The following GNL3L variants were observed in gnomAD, a reference collection of about 807,000 sequenced individuals.
The protein encoded by GNL3L is G protein nucleolar 3 like.
In GNL3L, 4 loss-of-function variants were observed where a neutral mutation model predicts 42.9. The ratio of observed to expected loss-of-function variants is 0.09; its 90% CI spans 0.05 to 0.21. GNL3L has a LOEUF of 0.21. Among genes scored for constraint, GNL3L ranks in the 10% least tolerant of loss-of-function variants. The pLI, the probability that GNL3L is intolerant of heterozygous loss-of-function variation, is 1.00. For synonymous variants in GNL3L, 159 were observed against 176.3 expected, an observed-to-expected ratio of 0.90 and a Z score of 0.78; for missense variants, 412 against 481.7, an observed-to-expected ratio of 0.86 and a Z score of 1.36.
intron 16 of GNL3L, among the ~76,000 whole-genome samples, chrX:54,585,231 T>C (rs1403030191): frequency 8.9e-6 from 1 of 112,477 alleles, no homozygotes; most frequent in Admixed American, 9.4e-5. Flanking sequence ...TTTCTTCTCT[T>C]GTAGTGTCCT....
chrX:54,543,168 C>T, intron 6 of GNL3L, 39 bp from the exon 7 acceptor site: 2 of 1,198,102 alleles, frequency 1.7e-6, no homozygotes, highest in Non-Finnish European at 1.1e-6. Context: ...GCTACCCTAT[C>T]CTTTTCCTGC....
At chrX:54,531,464 C>T (rs1327751118) in intron 1 of GNL3L, among the ~76,000 whole-genome samples, 2 of 110,923 alleles carry the variant, frequency 1.8e-5, no homozygotes, top group Non-Finnish European at 3.8e-5. Flanking sequence ...GACGCCCCCA[C>T]CCCCAAGTAT....
the GNL3L span, among the ~76,000 whole-genome samples, chrX:54,638,556 C>T: frequency 2.7e-3 from 305 of 111,466 alleles, 3 homozygotes; most frequent in Non-Finnish European, 5.2e-3. Context: ...CTGCAACCTC[C>T]GCCTCCCGGG....
At chrX:54,618,084 C>T (rs1350205129) in intron 16 of GNL3L, among the ~76,000 whole-genome samples, 1 of 111,057 alleles carries the variant, frequency 9.0e-6, no homozygotes, top group Non-Finnish European at 1.9e-5. Flanking sequence ...CTGGCTTTCC[C>T]ATGCTGGAGA....
the GNL3L span, among the ~76,000 whole-genome samples, chrX:54,627,459 T>C: frequency 9.0e-6 from 1 of 111,718 alleles, no homozygotes; most frequent in Non-Finnish European, 1.9e-5. Context: ...AAAAACCAAC[T>C]TTTTATTTTG....
the GNL3L span, among the ~76,000 whole-genome samples, chrX:54,642,217 C>T: frequency 8.9e-6 from 1 of 111,926 alleles, no homozygotes; most frequent in Non-Finnish European, 1.9e-5. Flanking sequence ...GAAACTGAGG[C>T]TTAGTGAGAT....
chrX:54,585,031 GC>G (rs1324350873), intron 16 of GNL3L, among the ~76,000 whole-genome samples: 2 of 112,168 alleles, frequency 1.8e-5, no homozygotes, highest in Admixed American at 1.9e-4. Context: ...TGATCCACCT[GC>G]CTCGGCCTCC....
intron 8 of GNL3L, 114 bp downstream of exon 8, chrX:54,544,440 C>A: frequency 5.0e-6 from 2 of 401,294 alleles, no homozygotes; most frequent in Non-Finnish European, 8.9e-6. Flanking sequence ...ACTGGGCCTT[C>A]AACTTTGAGC....
chrX:54,578,694 A>T (rs1402370512), intron 16 of GNL3L, among the ~76,000 whole-genome samples: 1 of 112,458 alleles, frequency 8.9e-6, no homozygotes, highest in Non-Finnish European at 1.9e-5. Flanking sequence ...AGTGCTTTCC[A>T]GTTCTTAGCA....
At chrX:54,609,759 G>A (rs916914881) in intron 16 of GNL3L, among the ~76,000 whole-genome samples, 4 of 112,094 alleles carry the variant, frequency 3.6e-5, no homozygotes, top group African/African-American at 1.3e-4. Flanking sequence ...TGGCCTTATA[G>A]TATAGTTTAA....
chrX:54,578,809 A>G (rs755503638), intron 16 of GNL3L, among the ~76,000 whole-genome samples: 5 of 112,280 alleles, frequency 4.5e-5, no homozygotes, highest in African/African-American at 1.3e-4. Context: ...TGGGTAGTGT[A>G]TATTCTATGT....
intron 16 of GNL3L, among the ~76,000 whole-genome samples, chrX:54,597,949 A>C (rs1383782709): frequency 2.7e-5 from 3 of 111,089 alleles, no homozygotes; most frequent in Non-Finnish European, 3.8e-5. Context: ...TTGGTGCTTC[A>C]GGACTGTTTT....
At chrX:54,567,552 A>G (rs999450781), downstream of GNL3L, among the ~76,000 whole-genome samples, 1 of 108,968 alleles carries the variant, frequency 9.2e-6, no homozygotes, top group African/African-American at 3.4e-5. Context: ...AGGCTGAGGC[A>G]GGAGAATCTC....
chrX:54,579,028 G>A (rs1386545321), intron 16 of GNL3L, among the ~76,000 whole-genome samples: 2 of 111,805 alleles, frequency 1.8e-5, no homozygotes, highest in Non-Finnish European at 3.8e-5. Context: ...TGTAAACAAG[G>A]ATTTGTTTAA....
intron 16 of GNL3L, among the ~76,000 whole-genome samples, chrX:54,587,761 A>G (rs1457597175): frequency 9.2e-6 from 1 of 109,084 alleles, no homozygotes; most frequent in East Asian, 2.9e-4. Context: ...GCTCACTGCA[A>G]CCTCTGCCTC....
chrX:54,644,230 T>C, the GNL3L span, among the ~76,000 whole-genome samples: 1 of 112,099 alleles, frequency 8.9e-6, no homozygotes, highest in African/African-American at 3.2e-5. Flanking sequence ...CCATTCCCAC[T>C]AACAGTGTAC....
intron 14 of GNL3L, among the ~76,000 whole-genome samples, 159 bp from the exon 15 acceptor site, chrX:54,558,277 C>T (rs1190137626): frequency 1.8e-5 from 2 of 111,135 alleles, no homozygotes; most frequent in African/African-American, 6.6e-5. Context: ...GTTAACTAAG[C>T]ACCTGCTGGA....
chrX:54,553,734 T>A (rs184183437), intron 13 of GNL3L, among the ~76,000 whole-genome samples: 1,129 of 110,743 alleles, frequency 0.01, 9 homozygotes, highest in Admixed American at 0.028. Flanking sequence ...AGAGATGGGG[T>A]TTTGCCATGT....
chrX:54,597,900 C>T (rs891874183), intron 16 of GNL3L, among the ~76,000 whole-genome samples: 6 of 111,306 alleles, frequency 5.4e-5, no homozygotes, highest in Non-Finnish European at 1.1e-4. Context: ...GCTTTCTACA[C>T]CCCGCTGCCA....
Sources: gnomAD v4.1 joint callset for allele counts (sites outside exome capture counted in the v4.1 genomes callset) on GRCh38, gnomAD v4.1.1 for gene constraint, MANE v1.5 for transcripts, NCBI Gene and HGNC (gene_info 2026-07-23, HGNC 2026-07-21) for gene names.